DPP10: variants seen among roughly 807,000 people sequenced by gnomAD.
The protein encoded by DPP10 is inactive dipeptidyl peptidase 10.
In DPP10, 33 loss-of-function variants were observed where a neutral mutation model predicts 120.9. The ratio of observed to expected loss-of-function variants is 0.27; its 90% CI spans 0.21 to 0.37. The LOEUF (loss-of-function observed/expected upper bound fraction) is 0.37, where lower values mean the gene tolerates loss of function less well. Ranked by LOEUF, DPP10 falls within the 10% of genes least tolerant of loss-of-function variation. The pLI is 1.00. For synonymous variants in DPP10, 337 were observed against 326.1 expected (o/e 1.03, Z -0.36); for missense variants, 816 against 942.8 (o/e 0.87, Z 1.76).
At chr2:115,544,264 G>A (rs889415590) in intron 5 of DPP10, among the ~76,000 whole-genome samples, 1 of 151,954 alleles carries the variant, frequency 6.6e-6, no homozygotes. Flanking sequence ...GGAATTACAG[G>A]TGTATGCTGT....
chr2:114,749,117 C>G (rs1335241980), intron 1 of DPP10, among the ~76,000 whole-genome samples: 1 of 145,536 alleles, frequency 6.9e-6, no homozygotes, highest in Non-Finnish European at 1.5e-5. Context: ...GAGATGATAT[C>G]TCATAGTGGT....
intron 1 of DPP10, among the ~76,000 whole-genome samples, chr2:114,689,087 T>C (rs763392952): frequency 6.6e-6 from 1 of 151,828 alleles, no homozygotes; most frequent in African/African-American, 2.4e-5. Flanking sequence ...TCAACTGTTA[T>C]TTTAAGTTCA....
intron 17 of DPP10, among the ~76,000 whole-genome samples, chr2:115,790,750 G>A (rs1374268): frequency 0.43 from 65,987 of 151,872 alleles, 17,021 homozygotes; most frequent in East Asian, 0.67. Context: ...CCTTTTAATT[G>A]GTATAGGTAC....
At chr2:115,722,899 G>A (rs964086185) in intron 7 of DPP10, among the ~76,000 whole-genome samples, 4 of 152,114 alleles carry the variant, frequency 2.6e-5, no homozygotes, top group African/African-American at 4.8e-5. Context: ...AGGCTGGAGG[G>A]GCCAAAGTGG....
At chr2:114,864,750 G>T (rs908503502) in intron 1 of DPP10, among the ~76,000 whole-genome samples, 34 of 152,244 alleles carry the variant, frequency 2.2e-4, no homozygotes, top group African/African-American at 8.2e-4. Context: ...ATGTCCAACT[G>T]CACAGTGGAC....
intron 1 of DPP10, among the ~76,000 whole-genome samples, chr2:115,222,446 A>G (rs1271502716): frequency 6.6e-6 from 1 of 152,132 alleles, no homozygotes; most frequent in African/African-American, 2.4e-5. Flanking sequence ...ATAATACATA[A>G]GTCTCATGAG....
chr2:115,045,425 T>C (rs1704988841), intron 1 of DPP10, among the ~76,000 whole-genome samples: 1 of 152,212 alleles, frequency 6.6e-6, no homozygotes, highest in African/African-American at 2.4e-5. Context: ...CAGCGTTCTA[T>C]AAATTTCCTG....
At chr2:114,841,946 G>C (rs1191766968) in intron 1 of DPP10, among the ~76,000 whole-genome samples, 1 of 152,084 alleles carries the variant, frequency 6.6e-6, no homozygotes, top group Non-Finnish European at 1.5e-5. Flanking sequence ...AGAAACAGTT[G>C]TACCACTTCC....
At chr2:115,469,906 A>G (rs965162728) in intron 3 of DPP10, among the ~76,000 whole-genome samples, 46 of 151,904 alleles carry the variant, frequency 3.0e-4, no homozygotes, top group African/African-American at 7.9e-4. Context: ...AAAAGAAAAA[A>G]AAAAACTAGT....
intron 1 of DPP10, among the ~76,000 whole-genome samples, chr2:115,190,388 A>G (rs866041560): frequency 1.3e-5 from 2 of 151,896 alleles, no homozygotes; most frequent in Admixed American, 1.3e-4. Flanking sequence ...GAAAGGCATG[A>G]CCAGTTGAAC....
chr2:114,644,582 G>A lies in DPP10; in HGVS notation c.60+201744G>A, dbSNP rs75914727. On this transcript the variant is annotated intron_variant, in intron 1 of 25. Coordinates refer to ENST00000410059, the MANE Select transcript of DPP10 (RefSeq NM_020868.6). ...GCCATATCAGAGTCTCTGGATGCAGGGCCCTGGAATCACCATTTTTTAAAA... is the reference window on the plus strand; with the variant it reads ...GCCATATCAGAGTCTCTGGATGCAGAGCCCTGGAATCACCATTTTTTAAAA... Among the ~76,000 whole-genome samples, 85 of 151,920 alleles carry A rather than the reference G, an allele frequency of 5.6e-4. No homozygotes were observed. In the East Asian group the frequency reaches 0.015, roughly 27 times the overall value.
intron 1 of DPP10, among the ~76,000 whole-genome samples, chr2:114,864,216 C>T (rs933722704): frequency 6.6e-6 from 1 of 152,110 alleles, no homozygotes; most frequent in Non-Finnish European, 1.5e-5. Flanking sequence ...ACATTTCTCA[C>T]TCTTTGGTGG....
intron 5 of DPP10, among the ~76,000 whole-genome samples, chr2:115,562,183 C>A (rs1055181899): frequency 1.3e-5 from 2 of 152,124 alleles, no homozygotes; most frequent in Non-Finnish European, 2.9e-5. Context: ...CTGTACAAAT[C>A]CTTCCCCCTT....
intron 1 of DPP10, among the ~76,000 whole-genome samples, chr2:114,896,523 T>C (rs992424123): frequency 3.3e-5 from 5 of 151,994 alleles, no homozygotes; most frequent in African/African-American, 1.2e-4. Context: ...CACTCATGAT[T>C]TGGCTCTCTG....
At chr2:115,166,283 A>AATTTTTT (rs2052835510) in intron 1 of DPP10, among the ~76,000 whole-genome samples, 1 of 151,944 alleles carries the variant, frequency 6.6e-6, no homozygotes, top group East Asian at 1.9e-4. Flanking sequence ...AAGAGCTTTC[A>AATTTTTT]TAAATCATAT....
chr2:115,026,875 G>C (rs1001026946), intron 1 of DPP10, among the ~76,000 whole-genome samples: 3 of 152,118 alleles, frequency 2.0e-5, no homozygotes, highest in African/African-American at 4.8e-5. Context: ...TTGGTATTTT[G>C]ATAGAGATTA....
At chr2:115,023,746 G>A (rs978578503) in intron 1 of DPP10, among the ~76,000 whole-genome samples, 11 of 152,056 alleles carry the variant, frequency 7.2e-5, no homozygotes, top group African/African-American at 2.7e-4. Flanking sequence ...TATTAGATCA[G>A]CCCAAATGCC....
intron 1 of DPP10, among the ~76,000 whole-genome samples, chr2:115,106,200 C>T (rs2048937491): frequency 6.6e-6 from 1 of 152,190 alleles, no homozygotes; most frequent in Non-Finnish European, 1.5e-5. Flanking sequence ...TCACTTTGAA[C>T]AGTGATTGTG....
At chr2:114,443,944 C>T (rs1011372200) in intron 1 of DPP10, among the ~76,000 whole-genome samples, 3 of 152,068 alleles carry the variant, frequency 2.0e-5, no homozygotes, top group Non-Finnish European at 4.4e-5. Flanking sequence ...CTACCGTTTG[C>T]CAGAGTGTTT....
Sources: gnomAD v4.1 joint callset for allele counts (sites outside exome capture counted in the v4.1 genomes callset) on GRCh38, gnomAD v4.1.1 for gene constraint, MANE v1.5 for transcripts, NCBI Gene and HGNC (gene_info 2026-07-23, HGNC 2026-07-21) for gene names.